Variants in ABCC6 observed in about 807,000 individuals in gnomAD.
ABCC6 encodes the protein ATP binding cassette subfamily C member 6.
A neutral mutation model predicts 169.5 loss-of-function variants in ABCC6; 126 were observed. That is an observed-to-expected ratio of 0.74 (90% CI 0.64 to 0.86). ABCC6 has a LOEUF of 0.86. ABCC6 is among the 40% of genes least tolerant of loss of function. The probability of loss-of-function intolerance (pLI) is 0.00; values close to 1 mark genes in which losing one functional copy is unlikely to be tolerated. For synonymous variants in ABCC6, 752 were observed against 814.7 expected, an observed-to-expected ratio of 0.92 and a Z score of 1.31; for missense variants, 1,733 against 1,927.2, an observed-to-expected ratio of 0.90 and a Z score of 1.89.
At chr16:16,188,433 G>A (rs1390143937) in intron 13 of ABCC6, among the ~76,000 whole-genome samples, 4 of 152,118 alleles carry the variant, frequency 2.6e-5, no homozygotes, top group Non-Finnish European at 5.9e-5. Flanking sequence ...AAAACATGGA[G>A]ATGGCTCAGG....
chr16:16,191,179 G>T (rs191683140), intron 11 of ABCC6, among the ~76,000 whole-genome samples: 1 of 151,998 alleles, frequency 6.6e-6, no homozygotes, highest in African/African-American at 2.4e-5. Context: ...GCAGTGGTGT[G>T]GTCTCGGCTC....
In ABCC6 at chr16:16,221,723, G is replaced by C. The variant is rs751588595; in HGVS notation, c.145C>G (p.Pro49Ala). The change falls in exon 2 of 31, where the codon CCC (proline) becomes GCC (alanine). Residue 49 changes from proline to alanine, a missense_variant. Physicochemically the swap from Pro to Ala is conservative, Grantham distance 27. Coordinates refer to ENST00000205557, the MANE Select transcript of ABCC6 (RefSeq NM_001171.6). ...VPPMYLWVLG[P>A]IYLLFIHHHG... ...TGGTGGATGAAGAGGAGGTAGATGG[G>C]ACCAAGGACCCAGAGGTACATGGGG... The C allele has an allele frequency of 4.9e-5, 79 of 1,613,716 alleles. No individual in the cohort carries two copies. The Admixed American group carries it at 1.3e-3, about 26-fold the overall frequency.
At chr16:16,182,111 C>T (rs1164792323) in intron 17 of ABCC6, among the ~76,000 whole-genome samples, 1 of 152,166 alleles carries the variant, frequency 6.6e-6, no homozygotes, top group African/African-American at 2.4e-5. Flanking sequence ...CATTACTCAG[C>T]AAGGCAGGGC....
rs527236047 is a variant in ABCC6, at chr16:16,188,850, G to C, written c.1760C>G (p.Ser587Cys). 4.6e-5 allele frequency: 74 copies of C among 1,613,886 alleles called. No homozygotes were observed. The East Asian group carries it at 1.6e-3, about 35-fold the overall frequency. The change falls in exon 13 of 31, where the codon TCC becomes TGC. Residue 587 changes from serine to cysteine, a missense_variant. Ser to Cys is a moderately radical substitution (Grantham distance 112). This residue lies in a region of ABCC6 where 1,601 missense variants were observed against 1,635.5 expected (regional missense o/e 0.98). Transcript: ENST00000205557. ...LNKAQAFLPF[S>C]IHSLVQARVS... ...CCTCACCTGGACGAGGGAGTGGATGGAGAAGGGCAGGAAAGCCTGGGCCTT... is the reference window on the plus strand; with the variant it reads ...CCTCACCTGGACGAGGGAGTGGATGCAGAAGGGCAGGAAAGCCTGGGCCTT...
In ABCC6 at chr16:16,154,939, G is replaced by A. The variant is rs751220009; in HGVS notation, c.3975C>T (p.Ile1325=). ...CCACGTGGGCAATGGGGACCCCGTC[G>A]ATCCAGATCCCACCCTCAGCTGCCT... ...LQEAAEGGIW[I]DGVPIAHVGL... The change falls in exon 28 of 31, where the codon ATC becomes ATT. Residue 1325 remains isoleucine (I), a synonymous_variant. Coordinates refer to ENST00000205557, the MANE Select transcript of ABCC6 (RefSeq NM_001171.6). 1.1e-5 allele frequency: 18 copies of A among 1,597,598 alleles called. No individual in the cohort carries two copies. Among genetic ancestry groups the A allele is most frequent in the Admixed American group, 1.7e-5 (1 of 57,856 alleles).
chr16:16,152,611 C>A (rs1451593368), intron 29 of ABCC6, among the ~76,000 whole-genome samples: 1 of 151,820 alleles, frequency 6.6e-6, no homozygotes, highest in African/African-American at 2.4e-5. Context: ...GCATATAATT[C>A]AATCCTTGCA....
At chr16:16,199,992 C>T (rs1485685544) in intron 9 of ABCC6, among the ~76,000 whole-genome samples, 1 of 151,792 alleles carries the variant, frequency 6.6e-6, no homozygotes, top group African/African-American at 2.4e-5. Context: ...TGCTTGAACC[C>T]AGGAGGCAGA....
intron 19 of ABCC6, 42 bp downstream of exon 19, chr16:16,177,410 G>C (rs1390765030): frequency 6.2e-7 from 1 of 1,611,734 alleles, no homozygotes; most frequent in African/African-American, 1.3e-5. Flanking sequence ...CCCAAGGGTG[G>C]CAGGAGCCAG....
chr16:16,157,681 C>G lies in ABCC6; in HGVS notation c.3864G>C (p.Lys1288Asn). The G allele has an allele frequency of 6.2e-7, 1 of 1,614,098 alleles. No homozygotes were observed. The change falls in exon 27 of 31, where the codon AAG (lysine) becomes AAC (asparagine). Residue 1288 changes from lysine to asparagine, a missense_variant. This residue lies in a region of ABCC6 where 1,601 missense variants were observed against 1,635.5 expected (regional missense o/e 0.98). Transcript: ENST00000205557. ...CACTCACCTTCTCTCCTGCGTGGATCTTGAAGGACACGCCCTGCACAGCCA... is the reference window on the plus strand; with the variant it reads ...CACTCACCTTCTCTCCTGCGTGGATGTTGAAGGACACGCCCTGCACAGCCA... ...LPLAVQGVSF[K>N]IHAGEKVGIV... is the part of the protein sequence containing the mutation.
At chr16:16,186,725 T>C (rs1196916170) in intron 14 of ABCC6, among the ~76,000 whole-genome samples, 1 of 151,178 alleles carries the variant, frequency 6.6e-6, no homozygotes, top group Non-Finnish European at 1.5e-5. Flanking sequence ...TTTCATTATA[T>C]AGTACAATGT....
Position 16,150,062 on chromosome 16 carries a change from G to A in ABCC6, c.*71C>T, listed in dbSNP as rs1002767460. 1.4e-5 allele frequency: 23 copies of A among 1,594,616 alleles called. No homozygotes were observed. The highest frequency in any genetic ancestry group is 2.3e-4 in the Middle Eastern group (1 of 4,444). The stretch of plus-strand genomic sequence containing the variant: ...ATCGTGTGGAGCTATCGATGACCAC[G>A]GGTCACTTCCATCTCCAGCACTGCA... On this transcript the variant is annotated 3_prime_UTR_variant, in exon 31 of 31. Coordinates refer to ENST00000205557, the MANE Select transcript of ABCC6 (RefSeq NM_001171.6).
chr16:16,192,857 G>A lies in ABCC6; in HGVS notation c.1404C>T (p.Phe468=), dbSNP rs1380265200. The A allele has an allele frequency of 1.2e-6, 2 of 1,614,112 alleles. No individual in the cohort carries two copies. The highest frequency in any genetic ancestry group is 1.7e-6 in the Non-Finnish European group (2 of 1,180,008). ...GATGGTGGTTCCTTTTCTTGGAGAT[G>A]AAGAAATTCAGAGGGAGGAGGCTCA... The part of the protein sequence containing the change: ...VFLSLLPLNF[F]ISKKRNHHQE... Residue 468 remains phenylalanine, a synonymous_variant, in exon 11 of 31, where the codon TTC becomes TTT. Coordinates refer to ENST00000205557, the MANE Select transcript of ABCC6 (RefSeq NM_001171.6).
chr16:16,161,082 G>T (rs924123836), intron 25 of ABCC6, among the ~76,000 whole-genome samples: 2 of 152,218 alleles, frequency 1.3e-5, no homozygotes, highest in Non-Finnish European at 2.9e-5. Flanking sequence ...TCCAGCCTGA[G>T]TAAAAGAGAG....
rs1273850787 is a variant in ABCC6, at chr16:16,191,160, G to A, written c.1432-793C>T. The stretch of plus-strand genomic sequence containing the variant: ...AGACCGAGTCTTCCTCTGTCGCCCA[G>A]GCTGGAGTGCAGTGGTGTGGTCTCG... On this transcript the variant is annotated intron_variant, in intron 11 of 30. Coordinates refer to ENST00000205557, the MANE Select transcript of ABCC6 (RefSeq NM_001171.6). Among the ~76,000 whole-genome samples, 5 of 152,238 alleles carry A rather than the reference G, an allele frequency of 3.3e-5. No homozygotes were observed. The East Asian group carries it at 9.6e-4, about 29-fold the overall frequency.
Position 16,192,837 on chromosome 16 carries a change from T to A in ABCC6, c.1424A>T (p.His475Leu), listed in dbSNP as rs151187637. The change falls in exon 11 of 31, where the codon CAC becomes CTC. Residue 475 changes from histidine (H) to leucine (L), a missense_variant. This residue lies in a region of ABCC6 where 1,601 missense variants were observed against 1,635.5 expected (regional missense o/e 0.98). Transcript: ENST00000205557. ...LNFFISKKRN[H>L]HQEEQMRQKD... is the part of the protein sequence containing the mutation. ...CTTTCCCAAAAGCCAAACCTGATGGTGGTTCCTTTTCTTGGAGATGAAGAA... is the reference window on the plus strand; with the variant it reads ...CTTTCCCAAAAGCCAAACCTGATGGAGGTTCCTTTTCTTGGAGATGAAGAA... 2.9e-4 allele frequency: 466 copies of A among 1,613,706 alleles called. No individual in the cohort carries two copies. Among genetic ancestry groups the A allele is most frequent in the Non-Finnish European group, 3.7e-4 (436 of 1,179,846 alleles).
intron 21 of ABCC6, among the ~76,000 whole-genome samples, chr16:16,171,183 A>G (rs2047052716): frequency 6.6e-6 from 1 of 151,282 alleles, no homozygotes; most frequent in African/African-American, 2.4e-5. Context: ...TCCTGTCCAT[A>G]CCAACCATGG....
At chr16:16,165,518 G>T in intron 23 of ABCC6, 105 bp downstream of exon 23, 1 of 1,250,412 alleles carries the variant, frequency 8.0e-7, no homozygotes, top group Admixed American at 1.9e-5. Context: ...ACAGCCCCTA[G>T]ATGTCCAGCT....
At chr16:16,156,720 G>A (rs778725043) in intron 27 of ABCC6, among the ~76,000 whole-genome samples, 1 of 151,894 alleles carries the variant, frequency 6.6e-6, no homozygotes, top group Non-Finnish European at 1.5e-5. Context: ...GGCCGAGGGG[G>A]GTGATTGAGG....
rs63750874 is a variant in ABCC6, at chr16:16,150,144, C to A, written c.4501G>T (p.Gly1501Cys). Residue 1501 changes from glycine to cysteine, a missense_variant, in exon 31 of 31, where the codon GGC becomes TGC. Physicochemically the swap from Gly to Cys is radical, Grantham distance 159. Coordinates refer to ENST00000205557, the MANE Select transcript of ABCC6 (RefSeq NM_001171.6). ...GLFYRLAQES[G>C]LV ...TTGAGGGTCCTGGCTCAGACCAGGC[C>A]TGACTCCTGGGCCAGTCTGTAAAAC... 6.2e-6 allele frequency: 10 copies of A among 1,612,538 alleles called. No homozygotes were observed. The South Asian group carries it at 8.8e-5, about 14-fold the overall frequency.
Sources: allele counts gnomAD v4.1 joint callset (sites outside exome capture counted in the v4.1 genomes callset), GRCh38; gene constraint gnomAD v4.1.1; regional missense constraint gnomAD v4.1.1; transcripts MANE v1.5; gene names NCBI Gene and HGNC (gene_info 2026-07-23, HGNC 2026-07-21).